The following SPATA17 variants were observed in gnomAD, a reference collection of about 807,000 sequenced individuals.
SPATA17 encodes spermatogenesis associated 17.
SPATA17 carries 53 observed loss-of-function variants against 62.2 expected under a neutral mutation model. That is an observed-to-expected ratio of 0.85 (90% confidence interval 0.68 to 1.07). SPATA17 has a LOEUF of 1.07. Ranked by LOEUF, SPATA17 falls within the 50% of genes least tolerant of loss-of-function variation. The pLI is 0.00. For synonymous variants in SPATA17, 146 were observed against 146.8 expected (o/e 0.99, Z 0.04); for missense variants, 466 against 425.5 (o/e 1.10, Z -0.84).
At chr1:217,763,118 C>T (rs977621949) in intron 6 of SPATA17, among the ~76,000 whole-genome samples, 1 of 152,200 alleles carries the variant, frequency 6.6e-6, no homozygotes, top group Admixed American at 6.5e-5. Context: ...GAACCCACAA[C>T]TTATCATATG....
chr1:217,730,176 G>T (rs1249516593), intron 5 of SPATA17, among the ~76,000 whole-genome samples: 2 of 151,672 alleles, frequency 1.3e-5, no homozygotes, highest in Non-Finnish European at 2.9e-5. Flanking sequence ...GTCCTCAGTA[G>T]GAGACACTAA....
At chr1:217,660,511 T>C (rs140224202) in intron 3 of SPATA17, among the ~76,000 whole-genome samples, 2 of 152,334 alleles carry the variant, frequency 1.3e-5, no homozygotes, top group Admixed American at 1.3e-4. Context: ...GTGGATTGTA[T>C]TCTTGTTCAA....
At chr1:217,647,419 G>A (rs576413108) in intron 1 of SPATA17, among the ~76,000 whole-genome samples, 2 of 152,352 alleles carry the variant, frequency 1.3e-5, no homozygotes, top group South Asian at 4.1e-4. Flanking sequence ...GTAAGACAAA[G>A]TTGAGTGTTA....
At chr1:217,719,790 G>C (rs537915637) in intron 5 of SPATA17, among the ~76,000 whole-genome samples, 1 of 152,190 alleles carries the variant, frequency 6.6e-6, no homozygotes, top group African/African-American at 2.4e-5. Flanking sequence ...GTTTGGAAGA[G>C]CCTCTCCCAA....
intron 1 of SPATA17, among the ~76,000 whole-genome samples, chr1:217,634,147 A>G (rs992080074): frequency 6.6e-6 from 1 of 152,236 alleles, no homozygotes; most frequent in African/African-American, 2.4e-5. Flanking sequence ...AAAAGATAGT[A>G]GGCAGTTGTT....
At chr1:217,767,846 G>C (rs533949539) in intron 6 of SPATA17, among the ~76,000 whole-genome samples, 1 of 152,148 alleles carries the variant, frequency 6.6e-6, no homozygotes, top group Non-Finnish European at 1.5e-5. Flanking sequence ...GACTCGTTCT[G>C]ATGCCTGATT....
chr1:217,675,853 C>A (rs1461513824), intron 4 of SPATA17, among the ~76,000 whole-genome samples: 1 of 152,132 alleles, frequency 6.6e-6, no homozygotes, highest in Admixed American at 6.5e-5. Context: ...GGAGGTCTGG[C>A]ACTCACATTT....
intron 5 of SPATA17, among the ~76,000 whole-genome samples, chr1:217,704,993 A>G (rs1187095065): frequency 1.3e-5 from 2 of 152,232 alleles, no homozygotes; most frequent in Admixed American, 6.5e-5. Flanking sequence ...GATTTCCAAA[A>G]AGGCTCAACT....
intron 6 of SPATA17, among the ~76,000 whole-genome samples, chr1:217,759,479 G>A (rs1052600333): frequency 6.6e-6 from 1 of 151,932 alleles, no homozygotes; most frequent in Non-Finnish European, 1.5e-5. Context: ...GGAAAAAGTA[G>A]ATGAGTACCA....
intron 9 of SPATA17, among the ~76,000 whole-genome samples, chr1:217,807,539 G>T (rs1194776142): frequency 6.6e-6 from 1 of 151,976 alleles, no homozygotes; most frequent in African/African-American, 2.4e-5. Context: ...AAATGTTATG[G>T]CTCATCGTAT....
intron 5 of SPATA17, among the ~76,000 whole-genome samples, chr1:217,735,303 T>C (rs115769940): frequency 2.4e-4 from 36 of 152,328 alleles, no homozygotes; most frequent in African/African-American, 8.4e-4. Context: ...ATCCATCTGG[T>C]AAGGGCACTC....
In SPATA17 at chr1:217,825,060, A is replaced by G. The variant is rs1674958140; in HGVS notation, c.1005+23210A>G. 2.4e-4 allele frequency among the ~76,000 whole-genome samples: 35 copies of G among 148,904 alleles called. No individual in the cohort carries two copies. The Admixed American group carries it at 2.4e-3, about 10-fold the overall frequency. On this transcript the variant is annotated intron_variant, in intron 9 of 10. Coordinates refer to ENST00000366933, the MANE Select transcript of SPATA17 (RefSeq NM_138796.4). Reference sequence around the variant, plus strand: ...AATACATATACAAATGTATTTATTTATATGAATACATATATTCATATAAAT... The same window carrying G: ...AATACATATACAAATGTATTTATTTGTATGAATACATATATTCATATAAAT...
intron 4 of SPATA17, among the ~76,000 whole-genome samples, chr1:217,670,953 GAAAAAAA>G (rs71661748): frequency 8.0e-5 from 7 of 87,136 alleles, no homozygotes; most frequent in African/African-American, 1.6e-4. Flanking sequence ...TCCGTCTCAG[GAAAAAAA>G]AAAAAAAAAA....
intron 5 of SPATA17, among the ~76,000 whole-genome samples, chr1:217,723,758 C>T (rs1672194663): frequency 6.6e-6 from 1 of 152,206 alleles, no homozygotes; most frequent in African/African-American, 2.4e-5. Flanking sequence ...ACCAAAAAAT[C>T]ACATGTATGA....
intron 9 of SPATA17, among the ~76,000 whole-genome samples, chr1:217,823,380 CAACT>C (rs1322451574): frequency 6.6e-6 from 1 of 151,848 alleles, no homozygotes; most frequent in Non-Finnish European, 1.5e-5. Flanking sequence ...TCTAGTTCAC[CAACT>C]GAGAATGTTG....
intron 4 of SPATA17, among the ~76,000 whole-genome samples, chr1:217,674,044 C>T (rs1395787315): frequency 6.6e-6 from 1 of 152,052 alleles, no homozygotes; most frequent in Non-Finnish European, 1.5e-5. Flanking sequence ...GGGAAAATAA[C>T]CCAAGACCAA....
intron 4 of SPATA17, among the ~76,000 whole-genome samples, chr1:217,677,150 G>A (rs975282142): frequency 6.6e-5 from 10 of 151,976 alleles, no homozygotes. Flanking sequence ...CAACAAATTT[G>A]CCAAATAACA....
intron 3 of SPATA17, among the ~76,000 whole-genome samples, chr1:217,663,502 C>T (rs1670615303): frequency 6.7e-6 from 1 of 150,042 alleles, no homozygotes; most frequent in Non-Finnish European, 1.5e-5. Context: ...TGCCAGCAAA[C>T]AAGGCAAAGC....
At chr1:217,770,978 A>ATGTTTTTTTTTTTTTTTTTTTT (rs1673425068) in intron 6 of SPATA17, among the ~76,000 whole-genome samples, 1 of 50,148 alleles carries the variant, frequency 2.0e-5, no homozygotes, top group East Asian at 8.3e-4. Flanking sequence ...AACTCATTGC[A>ATGTTTTTTTTTTTTTTTTTTTT]TTTTTTTTTT....
Sources: allele counts gnomAD v4.1 joint callset (sites outside exome capture counted in the v4.1 genomes callset), GRCh38; gene constraint gnomAD v4.1.1; transcripts MANE v1.5; gene names NCBI Gene and HGNC (gene_info 2026-07-23, HGNC 2026-07-21).